Variants in ABCA3 observed in about 807,000 individuals in gnomAD.
The protein encoded by ABCA3 is phospholipid-transporting ATPase ABCA3.
Under a neutral mutation model 172.8 loss-of-function variants are expected in ABCA3, and 88 were observed. The ratio of observed to expected loss-of-function variants is 0.51; its 90% CI spans 0.43 to 0.61. The LOEUF is 0.61. ABCA3 is among the 20% of genes least tolerant of loss of function. The pLI is 0.00. For synonymous variants in ABCA3, 1,066 were observed against 983.8 expected (o/e 1.08, Z -1.56); for missense variants, 2,164 against 2,301.0 (o/e 0.94, Z 1.22).
intron 26 of ABCA3, among the ~76,000 whole-genome samples, chr16:2,282,573 G>C (rs1408954861): frequency 6.6e-6 from 1 of 152,198 alleles, no homozygotes; most frequent in Admixed American, 6.5e-5. Context: ...TAAACACGTG[G>C]AGCACCCCTC....
chr16:2,323,448 G>T, intron 7 of ABCA3, 75 bp downstream of exon 7: 1 of 1,578,712 alleles, frequency 6.3e-7, no homozygotes. Context: ...CTTTTGCAAA[G>T]TGGGGCTGCC....
intron 12 of ABCA3, among the ~76,000 whole-genome samples, chr16:2,300,549 C>T (rs80073677): frequency 0.012 from 1,857 of 152,316 alleles, 20 homozygotes; most frequent in South Asian, 0.02. Flanking sequence ...GCTCAAGCCC[C>T]ACATGAGTTC....
rs1384915409 is a variant in ABCA3, at chr16:2,278,570, A to G, written c.4548-112T>C. ...GCGGCCCACACCCAGCAATTGCAGA[A>G]CAGCCCTAGTGAAGAGGAAGGAGCT... On this transcript the variant is annotated intron_variant, in intron 29 of 32. Transcript: ENST00000301732. This position sits in a 1 kb window ranked among gnomAD's most constrained non-coding sequence, Gnocchi z 4.4. The G allele has an allele frequency of 1.5e-6, 2 of 1,365,342 alleles. No homozygotes were observed. The highest frequency in any genetic ancestry group is 2.4e-5 in the East Asian group (1 of 41,588). The allele number at this position is 1,365,342 out of a possible 1,614,324, so 84.6% of individuals were successfully genotyped here.
chr16:2,278,555 C>T lies in ABCA3; in HGVS notation c.4548-97G>A, dbSNP rs1270755142. On this transcript the variant is annotated intron_variant, in intron 29 of 32. Coordinates refer to ENST00000301732, the MANE Select transcript of ABCA3 (RefSeq NM_001089.3). This position sits in a 1 kb window ranked among gnomAD's most constrained non-coding sequence, Gnocchi z 4.4. ...GCCCGTGTCCCAGCAGCGGCCCACA[C>T]CCAGCAATTGCAGAACAGCCCTAGT... 2 of 1,476,070 alleles carry T rather than the reference C, an allele frequency of 1.4e-6. No individual in the cohort carries two copies. The highest frequency in any genetic ancestry group is 1.9e-6 in the Non-Finnish European group (2 of 1,077,572). The allele number at this position is 1,476,070 out of a possible 1,614,324, so 91.4% of individuals were successfully genotyped here. A position where few individuals can be genotyped will look rare whatever the true frequency, so the allele number is the denominator to read the frequency against.
At chr16:2,333,809 C>T (rs1036000955) in intron 1 of ABCA3, among the ~76,000 whole-genome samples, 1 of 152,018 alleles carries the variant, frequency 6.6e-6, no homozygotes, top group African/African-American at 2.4e-5. Context: ...CTGCCTCAGC[C>T]TCCTGAGTAG....
rs559700953 is a variant in ABCA3, at chr16:2,318,401, C to T, written c.874-637G>A. Among the ~76,000 whole-genome samples, 14 of 152,300 alleles carry T rather than the reference C, an allele frequency of 9.2e-5. No homozygotes were observed. The East Asian group carries it at 9.6e-4, about 10-fold the overall frequency. Reference sequence around the variant, plus strand: ...CAAAAGCGCCTGGGGAGTCCTGGGGCGGCCACACTGACCAATACGGCAGCC... The same window carrying T: ...CAAAAGCGCCTGGGGAGTCCTGGGGTGGCCACACTGACCAATACGGCAGCC... On this transcript the variant is annotated intron_variant, in intron 8 of 32. Coordinates refer to ENST00000301732, the MANE Select transcript of ABCA3 (RefSeq NM_001089.3).
intron 20 of ABCA3, 67 bp from the exon 21 acceptor site, chr16:2,288,396 T>G: frequency 6.7e-7 from 1 of 1,500,264 alleles, no homozygotes; most frequent in Non-Finnish European, 8.9e-7. Flanking sequence ...CCCACCCACC[T>G]GCGGCAGGTG....
intron 12 of ABCA3, 60 bp from the exon 13 acceptor site, chr16:2,300,208 A>T: frequency 6.2e-7 from 1 of 1,608,280 alleles, no homozygotes; most frequent in Non-Finnish European, 8.5e-7. Flanking sequence ...AGCAACAACC[A>T]GCAGACACAC....
rs768542119 is a variant in ABCA3, at chr16:2,298,446, C to G, written c.1836G>C (p.Pro612=). ...AGTTGTCAAACAGGATGTCGTGCTG[C>G]GGGCACAGGCCCAGGCTCTTCCGGA... is the stretch of plus-strand genomic sequence containing the variant. ...VQIRKSLGLC[P]QHDILFDNLT... Residue 612 remains proline (P), a synonymous_variant, in exon 15 of 33, where the codon CCG becomes CCC. Coordinates refer to ENST00000301732, the MANE Select transcript of ABCA3 (RefSeq NM_001089.3). 6 of 1,614,008 alleles carry G rather than the reference C, an allele frequency of 3.7e-6. No individual in the cohort carries two copies. The Admixed American group carries it at 8.3e-5, about 22-fold the overall frequency.
chr16:2,323,684 T>G lies in ABCA3; in HGVS notation c.452A>C (p.Lys151Thr), dbSNP rs2141737402. ...HSKEPLPLAV[K>T]YHLRFSYTRR... ...TGTGTAACTGAACCGTAGGTGATAT[T>G]TCACCTGTGGAAACAAAGAGAAAAC... Residue 151 changes from lysine to threonine, a missense_variant, in exon 7 of 33, where the codon AAA becomes ACA. Around this residue, in one of 3 missense-constraint regions of ABCA3, gnomAD observed 1,343 missense variants for 1,369.6 expected, o/e 0.98. Transcript: ENST00000301732. 6.2e-7 allele frequency: 1 copy of G among 1,614,106 alleles called. No homozygotes were observed. The highest frequency in any genetic ancestry group is 8.5e-7 in the Non-Finnish European group (1 of 1,179,974).
chr16:2,306,451 G>C (rs755287393), intron 11 of ABCA3, among the ~76,000 whole-genome samples: 1 of 152,200 alleles, frequency 6.6e-6, no homozygotes, highest in African/African-American at 2.4e-5. Flanking sequence ...GTAGAGAACC[G>C]TTCTAATGAA....
At chr16:2,280,403 T>C (rs531380750) in intron 28 of ABCA3, among the ~76,000 whole-genome samples, 24 of 152,170 alleles carry the variant, frequency 1.6e-4, no homozygotes, top group Non-Finnish European at 3.4e-4. Context: ...CCTGGAACCC[T>C]CTATGGGGGA....
In ABCA3 at chr16:2,308,477, G is replaced by A. The variant is rs1391169179; in HGVS notation, c.1258C>T (p.Gln420Ter). ...LSNVAMAMGA[Q>*]LIGKFEAKGM... ...TTCGCCTCAAATTTCCCAATGAGCT[G>A]GGCTCCCATTGCCATGGCGACATTA... is the stretch of plus-strand genomic sequence containing the variant. The change falls in exon 11 of 33, where the codon CAG becomes TAG. Residue 420 changes from glutamine (Q) to a stop codon, truncating the protein, a stop_gained. Transcript: ENST00000301732. LOFTEE classifies it high-confidence loss of function. 1 of 1,614,088 alleles carries A rather than the reference G, an allele frequency of 6.2e-7. No homozygotes were observed. The highest frequency in any genetic ancestry group is 1.3e-5 in the African/African-American group (1 of 74,934).
chr16:2,298,898 C>G (rs930875591), intron 14 of ABCA3, among the ~76,000 whole-genome samples: 1 of 152,184 alleles, frequency 6.6e-6, no homozygotes, highest in Middle Eastern at 3.2e-3. Flanking sequence ...GTGTGGTGCA[C>G]AGGGGAGAGC....
At chr16:2,290,001 A>ACACACACACACACC (rs770697754) in intron 19 of ABCA3, among the ~76,000 whole-genome samples, 2 of 137,120 alleles carry the variant, frequency 1.5e-5, no homozygotes, top group East Asian at 2.3e-4. Flanking sequence ...ACACACACAC[A>ACACACACACACACC]CCCCTTCCTA....
rs139707078 is a variant in ABCA3, at chr16:2,285,253, G to A, written c.3483+189C>T. On this transcript the variant is annotated intron_variant, in intron 23 of 32. Coordinates refer to ENST00000301732, the MANE Select transcript of ABCA3 (RefSeq NM_001089.3). The surrounding 1 kb of genome is among the most constrained non-coding windows in gnomAD (Gnocchi z 4.7). Reference sequence around the variant, plus strand: ...CTGCTCCGGGTGCTGCCCATGCATGGAGGGTAAAGGCTGAGGGTGCAGGGA... The same window carrying A: ...CTGCTCCGGGTGCTGCCCATGCATGAAGGGTAAAGGCTGAGGGTGCAGGGA... Among the ~76,000 whole-genome samples the A allele has an allele frequency of 6.6e-6, 1 of 152,206 alleles. No homozygotes were observed. The highest frequency in any genetic ancestry group is 2.4e-5 in the African/African-American group (1 of 41,454).
In ABCA3 at chr16:2,277,718, C is replaced by G; in HGVS notation, c.4910-48G>C. On this transcript the variant is annotated intron_variant, in intron 31 of 32. Transcript: ENST00000301732. This position sits in a 1 kb window ranked among gnomAD's most constrained non-coding sequence, Gnocchi z 5.3. ...TGCTGTGAGCGCCGGGCTGGAGGAT[C>G]GGGGAGGGTGCCTGGGTGCTCAGCA... 5 of 1,609,796 alleles carry G rather than the reference C, an allele frequency of 3.1e-6. No individual in the cohort carries two copies. Among genetic ancestry groups the G allele is most frequent in the Non-Finnish European group, 4.2e-6 (5 of 1,178,134 alleles).
Position 2,324,395 on chromosome 16 carries a change from A to G in ABCA3, c.447+9T>C. 1.3e-6 allele frequency: 2 copies of G among 1,589,800 alleles called. No individual in the cohort carries two copies. The highest frequency in any genetic ancestry group is 1.7e-6 in the Non-Finnish European group (2 of 1,173,696). On this transcript the variant is annotated intron_variant, in intron 6 of 32. Coordinates refer to ENST00000301732, the MANE Select transcript of ABCA3 (RefSeq NM_001089.3). The stretch of plus-strand genomic sequence containing the variant: ...GGCTGTGACTGCTCGGCCCGGCCGC[A>G]CGTCTCACCGCCAGCGGCAGGGGCT...
Position 2,279,017 on chromosome 16 carries a change from G to A in ABCA3, c.4473C>T (p.Ile1491=), listed in dbSNP as rs1383826001. ...ARLRGIPERH[I]GACVENTLRG... ...GCAGAGTGTTCTCCACGCAGGCCCC[G>A]ATGTGGCGCTCAGGGATGCCCCGGA... Residue 1491 remains isoleucine (I), a synonymous_variant, in exon 29 of 33, where the codon ATC becomes ATT. Transcript: ENST00000301732. The surrounding 1 kb of genome is among the most constrained non-coding windows in gnomAD (Gnocchi z 4.4). The A allele has an allele frequency of 7.4e-6, 12 of 1,613,432 alleles. No homozygotes were observed. Among genetic ancestry groups the A allele is most frequent in the East Asian group, 2.2e-5 (1 of 44,896 alleles).
Sources: allele counts gnomAD v4.1 joint callset (sites outside exome capture counted in the v4.1 genomes callset), GRCh38; gene constraint gnomAD v4.1.1; regional missense constraint gnomAD v4.1.1; non-coding constraint Gnocchi (gnomAD v3.1); transcripts MANE v1.5; gene names NCBI Gene and HGNC (gene_info 2026-07-23, HGNC 2026-07-21).